Variants in SEMA3D observed in about 807,000 individuals in gnomAD.
SEMA3D encodes semaphorin 3D, also known as semaphorin-3D.
Under a neutral mutation model 100.1 loss-of-function variants are expected in SEMA3D, and 84 were observed. The ratio of observed to expected loss-of-function variants is 0.84; its 90% CI spans 0.70 to 1.01. The LOEUF (loss-of-function observed/expected upper bound fraction) is 1.01. Ranked by LOEUF, SEMA3D falls within the 50% of genes least tolerant of loss-of-function variation. The probability of loss-of-function intolerance (pLI) is 0.00; values close to 1 mark genes in which losing one functional copy is unlikely to be tolerated. For synonymous variants in SEMA3D, 312 were observed against 320.7 expected (o/e 0.97, Z 0.29); for missense variants, 875 against 934.1 (o/e 0.94, Z 0.82).
At chr7:85,249,463 T>C in the SEMA3D span, among the ~76,000 whole-genome samples, 4 of 152,318 alleles carry the variant, frequency 2.6e-5, no homozygotes, top group Non-Finnish European at 2.9e-5. Flanking sequence ...TTAATACTAA[T>C]GTATCAATAT....
intron 18 of SEMA3D, among the ~76,000 whole-genome samples, chr7:85,004,853 T>C (rs1056722779): frequency 3.9e-5 from 6 of 152,050 alleles, no homozygotes; most frequent in African/African-American, 1.4e-4. Flanking sequence ...AGTTGAAATA[T>C]TACAGCAAAG....
At chr7:85,231,815 T>C in the SEMA3D span, among the ~76,000 whole-genome samples, 3 of 152,276 alleles carry the variant, frequency 2.0e-5, no homozygotes, top group South Asian at 2.1e-4. Context: ...CATCTTTTTT[T>C]TCATACAAAC....
intron 2 of SEMA3D, among the ~76,000 whole-genome samples, chr7:85,152,039 C>A (rs1032918623): frequency 6.6e-6 from 1 of 151,822 alleles, no homozygotes; most frequent in African/African-American, 2.4e-5. Flanking sequence ...ATTTCATAAC[C>A]ACTGTACAAT....
chr7:85,037,286 C>A (rs548052022), intron 11 of SEMA3D, among the ~76,000 whole-genome samples: 1 of 152,128 alleles, frequency 6.6e-6, no homozygotes, highest in Non-Finnish European at 1.5e-5. Flanking sequence ...CAGTATAGGG[C>A]TGCCAGGTAA....
chr7:85,039,961 C>A (rs1013806612), intron 11 of SEMA3D, among the ~76,000 whole-genome samples: 10 of 149,806 alleles, frequency 6.7e-5, no homozygotes, highest in Admixed American at 1.3e-4. Context: ...TTAATATATA[C>A]GCAAACACTT....
chr7:85,141,138 A>G, intron 2 of SEMA3D: 2 of 984,612 alleles, frequency 2.0e-6, no homozygotes, highest in Non-Finnish European at 2.4e-6. Context: ...GATTTGTCCA[A>G]TTTGACGTCT....
intron 1 of SEMA3D, chr7:85,159,908 G>A: frequency 1.2e-5 from 12 of 984,802 alleles, no homozygotes; most frequent in Non-Finnish European, 1.4e-5. Flanking sequence ...AAAGAAGGAA[G>A]TGAAGGAAGA....
chr7:85,237,653 A>G, the SEMA3D span, among the ~76,000 whole-genome samples: 2 of 152,108 alleles, frequency 1.3e-5, no homozygotes, highest in South Asian at 4.1e-4. Flanking sequence ...CTATTGCCTG[A>G]TGTACCCCAA....
intron 2 of SEMA3D, among the ~76,000 whole-genome samples, chr7:85,147,248 A>G (rs2116479341): frequency 6.6e-6 from 1 of 151,494 alleles, no homozygotes; most frequent in East Asian, 1.9e-4. Flanking sequence ...CATTACAAGC[A>G]TGCACCACCA....
At chr7:85,184,295 T>C (rs1791480695) in intron 1 of SEMA3D, among the ~76,000 whole-genome samples, 1 of 152,204 alleles carries the variant, frequency 6.6e-6, no homozygotes, top group Non-Finnish European at 1.5e-5. Flanking sequence ...AGTTCGTATC[T>C]CAGTTCGTGC....
At chr7:85,067,563 G>A (rs1254173652) in intron 7 of SEMA3D, among the ~76,000 whole-genome samples, 1 of 152,210 alleles carries the variant, frequency 6.6e-6, no homozygotes, top group Non-Finnish European at 1.5e-5. Context: ...GACAAAAGGA[G>A]TCCTTATAAT....
intron 9 of SEMA3D, among the ~76,000 whole-genome samples, chr7:85,046,789 A>G (rs1328564796): frequency 6.6e-6 from 1 of 151,962 alleles, no homozygotes; most frequent in Non-Finnish European, 1.5e-5. Flanking sequence ...AGCCCAGAAG[A>G]GGGCTGAAAG....
At chr7:85,173,082 T>G (rs1288433430) in intron 1 of SEMA3D, among the ~76,000 whole-genome samples, 2 of 151,614 alleles carry the variant, frequency 1.3e-5, no homozygotes, top group African/African-American at 2.4e-5. Flanking sequence ...AGACCCAACT[T>G]GGAAGGCTAA....
At chr7:85,168,233 G>T (rs867234383) in intron 1 of SEMA3D, among the ~76,000 whole-genome samples, 10 of 151,798 alleles carry the variant, frequency 6.6e-5, no homozygotes, top group African/African-American at 2.4e-4. Flanking sequence ...TGGGTGGCTT[G>T]GTGGAGAGAG....
At chr7:85,157,991 C>T (rs899239612) in intron 1 of SEMA3D, among the ~76,000 whole-genome samples, 2 of 152,134 alleles carry the variant, frequency 1.3e-5, no homozygotes, top group African/African-American at 4.8e-5. Flanking sequence ...CCAATCAATA[C>T]CCTTGTGATT....
the SEMA3D span, among the ~76,000 whole-genome samples, chr7:85,241,621 G>A: frequency 6.6e-6 from 1 of 151,142 alleles, no homozygotes; most frequent in Non-Finnish European, 1.5e-5. Context: ...TCACTCATAA[G>A]TGGGAGCTAA....
the SEMA3D span, among the ~76,000 whole-genome samples, chr7:85,222,670 C>T: frequency 1.3e-5 from 2 of 152,070 alleles, no homozygotes; most frequent in Non-Finnish European, 2.9e-5. Flanking sequence ...GAAACGAAGG[C>T]ATTGCCCTGC....
chr7:85,173,219 T>C (rs1402042856), intron 1 of SEMA3D, among the ~76,000 whole-genome samples: 2 of 152,026 alleles, frequency 1.3e-5, no homozygotes, highest in African/African-American at 2.4e-5. Flanking sequence ...TAAAAAAATA[T>C]TTAATGTTAT....
intron 5 of SEMA3D, among the ~76,000 whole-genome samples, chr7:85,074,416 T>A (rs970585073): frequency 6.6e-6 from 1 of 152,124 alleles, no homozygotes; most frequent in African/African-American, 2.4e-5. Context: ...GAAATAAAAT[T>A]TTTTAAAAAG....
Sources: allele counts gnomAD v4.1 joint callset (sites outside exome capture counted in the v4.1 genomes callset), GRCh38; gene constraint gnomAD v4.1.1; transcripts MANE v1.5; gene names NCBI Gene and HGNC (gene_info 2026-07-23, HGNC 2026-07-21).